The following RPL18 variants were observed in gnomAD, a reference collection of about 807,000 sequenced individuals.
The protein encoded by RPL18 is large ribosomal subunit protein eL18.
In RPL18, 4 loss-of-function variants were observed where a neutral mutation model predicts 25.0. The ratio of observed to expected loss-of-function variants is 0.16; its 90% CI spans 0.08 to 0.37. RPL18 has a LOEUF of 0.37. RPL18 is among the 10% of genes least tolerant of loss of function. The pLI is 1.00. For synonymous variants in RPL18, 129 were observed against 101.6 expected, an observed-to-expected ratio of 1.27 and a Z score of -1.62; for missense variants, 179 against 267.9, an observed-to-expected ratio of 0.67 and a Z score of 2.32.
In RPL18 at chr19:48,617,010, A is replaced by G. The variant is rs968848511; in HGVS notation, c.199-186T>C. 5.7e-6 allele frequency: 4 copies of G among 701,100 alleles called. No homozygotes were observed. The African/African-American group carries it at 7.0e-5, about 12-fold the overall frequency. The allele number at this position is 701,100 out of a possible 1,614,324, so 43.4% of individuals were successfully genotyped here. A position where few individuals can be genotyped will look rare whatever the true frequency, so the allele number is the denominator to read the frequency against. ...AAGCTCCAGATAAAAAAAAAAATGC[A>G]GACTGTTCAATAGGGCCTCCCTCAG... On this transcript the variant is annotated intron_variant, in intron 3 of 6. Transcript: ENST00000549920.
intron 1 of RPL18, chr19:48,618,814 C>T: frequency 2.4e-6 from 1 of 420,690 alleles, no homozygotes; most frequent in South Asian, 3.2e-5. Flanking sequence ...AGTGACAGGT[C>T]CAGATAAAGG....
intron 3 of RPL18, 171 bp from the exon 4 acceptor site, chr19:48,616,995 TA>T (rs11382518): frequency 0.043 from 17,848 of 417,858 alleles, no homozygotes; most frequent in South Asian, 0.053. Flanking sequence ...AAGCTCCAGA[TA>T]AAAAAAAAAA....
intron 3 of RPL18, 132 bp downstream of exon 3, chr19:48,617,184 T>C: frequency 1.2e-6 from 1 of 806,180 alleles, no homozygotes. Flanking sequence ...GTCCAAGCTC[T>C]ACGCTCGCGA....
Position 48,616,185 on chromosome 19 carries a change from C to T in RPL18, c.315G>A (p.Val105=), listed in dbSNP as rs1974166073. ...VPKLKVCALR[V]TSRARSRILR... is the part of the protein sequence containing the mutation. The stretch of plus-strand genomic sequence containing the variant: ...GGATGCGGCTGCGGGCCCGGCTGGT[C>T]ACGCGCAGTGCACATACCTGGTGGA... The change falls in exon 5 of 7, where the codon GTG becomes GTA. Residue 105 remains valine, a synonymous_variant. Coordinates refer to ENST00000549920, the MANE Select transcript of RPL18 (RefSeq NM_000979.4). 2 of 1,613,738 alleles carry T rather than the reference C, an allele frequency of 1.2e-6. No individual in the cohort carries two copies.
intron 6 of RPL18, 73 bp downstream of exon 6, chr19:48,615,804 G>A: frequency 7.4e-7 from 1 of 1,357,898 alleles, no homozygotes; most frequent in Non-Finnish European, 1.0e-6. Context: ...AGGAGAAGCA[G>A]CCCAAGTGTG....
At position 48,615,398 on chromosome 19, in the gene RPL18, G is replaced by C; in HGVS notation, c.541C>G (p.Arg181Gly). 2.5e-6 allele frequency: 4 copies of C among 1,612,772 alleles called. No homozygotes were observed. The highest frequency in any genetic ancestry group is 3.4e-6 in the Non-Finnish European group (4 of 1,179,406). Residue 181 changes from arginine (R) to glycine (G), a missense_variant, in exon 7 of 7, where the codon CGG becomes GGG. Transcript: ENST00000549920. ...TAGTTTTTGTAGCCTCGGCTGGCCC[G>C]TCGGCCTCTGGCACGCTCGAACTTC... ...GRKFERARGR[R>G]ASRGYKN
chr19:48,617,620 G>C (rs1025613924), intron 2 of RPL18, 171 bp downstream of exon 2: 1 of 687,838 alleles, frequency 1.5e-6, no homozygotes. Context: ...CTCCCGAGCT[G>C]TACACAGCCT....
chr19:48,616,180 C>A lies in RPL18; in HGVS notation c.320G>T (p.Ser107Ile), dbSNP rs762595008. Residue 107 changes from serine (S) to isoleucine (I), a missense_variant, in exon 5 of 7, where the codon AGC becomes ATC. By Grantham distance (142) the Ser-to-Ile change is moderately radical. Coordinates refer to ENST00000549920, the MANE Select transcript of RPL18 (RefSeq NM_000979.4). ...KLKVCALRVT[S>I]RARSRILRAG... is the part of the protein sequence containing the mutation. ...CCTGAGGATGCGGCTGCGGGCCCGG[C>A]TGGTCACGCGCAGTGCACATACCTG... 2 of 1,613,946 alleles carry A rather than the reference C, an allele frequency of 1.2e-6. No individual in the cohort carries two copies. Among genetic ancestry groups the A allele is most frequent in the Admixed American group, 1.7e-5 (1 of 60,018 alleles).
In RPL18 at chr19:48,616,467, G is replaced by A. The variant is rs1435532682; in HGVS notation, c.297+259C>T. On this transcript the variant is annotated intron_variant, in intron 4 of 6. Coordinates refer to ENST00000549920, the MANE Select transcript of RPL18 (RefSeq NM_000979.4). ...AGAGGTGACAAAGGAGTCTAGACTT[G>A]AGCCCAGGCTGTCTGGCTCTAGGGG... 8 of 673,194 alleles carry A rather than the reference G, an allele frequency of 1.2e-5. No homozygotes were observed. The East Asian group carries it at 1.9e-4, about 16-fold the overall frequency. The allele number at this position is 673,194 out of a possible 1,614,324, so 41.7% of individuals were successfully genotyped here. A position where few individuals can be genotyped will look rare whatever the true frequency, so the allele number is the denominator to read the frequency against.
chr19:48,617,423 A>G lies in RPL18; in HGVS notation c.91T>C (p.Leu31=). The change falls in exon 3 of 7, where the codon TTA becomes CTA. Residue 31 remains leucine, a splice_region_variant and synonymous_variant. Coordinates refer to ENST00000549920, the MANE Select transcript of RPL18 (RefSeq NM_000979.4). The part of the protein sequence containing the change: ...QDIYLRLLVK[L]YRFLARRTNS... Reference sequence around the variant, plus strand: ...GTTCTTCTGGCCAGAAACCTGTATAACTGGAGGGACGGGAAGACAGTGAGA... The same window carrying G: ...GTTCTTCTGGCCAGAAACCTGTATAGCTGGAGGGACGGGAAGACAGTGAGA... 1 of 1,611,088 alleles carries G rather than the reference A, an allele frequency of 6.2e-7. No individual in the cohort carries two copies. The highest frequency in any genetic ancestry group is 8.5e-7 in the Non-Finnish European group (1 of 1,177,276).
intron 2 of RPL18, 95 bp from the exon 3 acceptor site, chr19:48,617,518 A>C (rs1225516015): frequency 1.0e-6 from 1 of 953,388 alleles, no homozygotes; most frequent in Non-Finnish European, 1.7e-6. Flanking sequence ...GGACTAAAAT[A>C]ATCTTTATCC....
At chr19:48,617,618 C>T (rs1297073026) in intron 2 of RPL18, 173 bp downstream of exon 2, 2 of 682,112 alleles carry the variant, frequency 2.9e-6, no homozygotes, top group Non-Finnish European at 5.1e-6. Flanking sequence ...CACTCCCGAG[C>T]TGTACACAGC....
intron 6 of RPL18, 59 bp downstream of exon 6, chr19:48,615,818 A>G: frequency 6.8e-7 from 1 of 1,476,066 alleles, no homozygotes; most frequent in Non-Finnish European, 9.3e-7. Context: ...AAGTGTGGCC[A>G]GGCCTGGCCC....
At chr19:48,616,497 C>T in intron 4 of RPL18, 1 of 697,512 alleles carries the variant, frequency 1.4e-6, no homozygotes, top group Non-Finnish European at 2.6e-6. Flanking sequence ...TAGGGGCCAG[C>T]ACTAACAGTT....
chr19:48,617,348 T>C lies in RPL18; in HGVS notation c.166A>G (p.Thr56Ala). ...GAAAGGGACAGAGGCGGCCGGTTGG[T>C]GCGACTCATAAACAACCTCTTCAAC... is the stretch of plus-strand genomic sequence containing the variant. ...VVLKRLFMSRTNRPPLSLSRM... is the reference protein window; with the variant it reads ...VVLKRLFMSRANRPPLSLSRM... Residue 56 changes from threonine (T) to alanine (A), a missense_variant, in exon 3 of 7, where the codon ACC becomes GCC. Coordinates refer to ENST00000549920, the MANE Select transcript of RPL18 (RefSeq NM_000979.4). The C allele has an allele frequency of 1.9e-6, 3 of 1,614,124 alleles. No homozygotes were observed. The highest frequency in any genetic ancestry group is 2.2e-5 in the East Asian group (1 of 44,878).
chr19:48,618,996 G>T, intron 1 of RPL18, 145 bp downstream of exon 1: 1 of 826,394 alleles, frequency 1.2e-6, no homozygotes, highest in Non-Finnish European at 2.0e-6. Context: ...CTGCTTTCCT[G>T]GCCCCCAGAG....
At chr19:48,617,762 T>C (rs1264295487) in intron 2 of RPL18, 29 bp downstream of exon 2, 1 of 1,582,336 alleles carries the variant, frequency 6.3e-7, no homozygotes, top group Non-Finnish European at 8.7e-7. Context: ...GGGGTGACCC[T>C]TCCCAAAGAC....
At chr19:48,616,295 C>A in intron 4 of RPL18, 93 bp from the exon 5 acceptor site, 1 of 1,517,408 alleles carries the variant, frequency 6.6e-7, no homozygotes, top group Non-Finnish European at 9.0e-7. Flanking sequence ...CGCAGCAGAG[C>A]CCTGGTAACC....
chr19:48,617,916 C>T, intron 1 of RPL18, 39 bp from the exon 2 acceptor site: 1 of 1,407,152 alleles, frequency 7.1e-7, no homozygotes, highest in Non-Finnish European at 1.0e-6. Flanking sequence ...CCAATTACCC[C>T]CAACCATAGC....
Sources: gnomAD v4.1 joint callset for allele counts on GRCh38, gnomAD v4.1.1 for gene constraint, MANE v1.5 for transcripts, NCBI Gene and HGNC (gene_info 2026-07-23, HGNC 2026-07-21) for gene names.